The following LTBP2 variants were observed in gnomAD, a reference collection of about 807,000 sequenced individuals.
LTBP2 encodes the protein latent transforming growth factor beta binding protein 2, also known as latent-transforming growth factor beta-binding protein 2.
LTBP2 carries 103 observed loss-of-function variants against 210.6 expected under a neutral mutation model. The ratio of observed to expected loss-of-function variants is 0.49; its 90% CI spans 0.42 to 0.58. The LOEUF (loss-of-function observed/expected upper bound fraction) is 0.58, where lower values mean the gene tolerates loss of function less well. Among genes scored for constraint, LTBP2 ranks in the 20% least tolerant of loss-of-function variants. The probability of loss-of-function intolerance (pLI) is 0.00; values close to 1 mark genes in which losing one functional copy is unlikely to be tolerated. For synonymous variants in LTBP2, 1,007 were observed against 1,015.0 expected (o/e 0.99, Z 0.15); for missense variants, 2,313 against 2,494.5 (o/e 0.93, Z 1.55).
At chr14:74,573,137 C>G (rs1301305022) in intron 3 of LTBP2, among the ~76,000 whole-genome samples, 1 of 152,180 alleles carries the variant, frequency 6.6e-6, no homozygotes, top group East Asian at 1.9e-4. Context: ...AGTTTCCAAG[C>G]CAAGCTGGAT....
chr14:74,591,702 C>T (rs557403038), intron 2 of LTBP2, among the ~76,000 whole-genome samples: 22 of 152,340 alleles, frequency 1.4e-4, no homozygotes, highest in Non-Finnish European at 2.4e-4. Flanking sequence ...CCTCTCCTCT[C>T]TCTCCATTCC....
rs747727618 is a variant in LTBP2, at chr14:74,503,177, C to A, written c.4888+42G>T. 5.0e-6 allele frequency: 8 copies of A among 1,609,008 alleles called. No homozygotes were observed. The South Asian group carries it at 7.7e-5, about 15-fold the overall frequency. ...GGTGAGGGCATCCCCCTCCCTGGGG[C>A]CTGGCCCAGCCCTGCAGGGTATCCC... On this transcript the variant is annotated intron_variant, in intron 33 of 35. Coordinates refer to ENST00000261978, the MANE Select transcript of LTBP2 (RefSeq NM_000428.3).
At chr14:74,548,555 A>G (rs2087607467) in intron 8 of LTBP2, among the ~76,000 whole-genome samples, 2 of 152,216 alleles carry the variant, frequency 1.3e-5, no homozygotes, top group African/African-American at 2.4e-5. Context: ...AACGCCTGAT[A>G]GGAAAGAGAA....
intron 18 of LTBP2, among the ~76,000 whole-genome samples, chr14:74,515,180 G>A (rs979624048): frequency 6.6e-6 from 1 of 151,732 alleles, no homozygotes; most frequent in Non-Finnish European, 1.5e-5. Context: ...CAGACATCGC[G>A]TCAAAAGCCA....
At chr14:74,517,054 G>A (rs549230503) in intron 17 of LTBP2, 113 bp from the exon 18 acceptor site, 1 of 1,383,040 alleles carries the variant, frequency 7.2e-7, no homozygotes, top group South Asian at 1.2e-5. Context: ...CCATGCTGAG[G>A]CCTGGGCAGG....
At chr14:74,513,417 C>T (rs374147762) in intron 18 of LTBP2, among the ~76,000 whole-genome samples, 1 of 152,252 alleles carries the variant, frequency 6.6e-6, no homozygotes, top group Non-Finnish European at 1.5e-5. Flanking sequence ...TCCACAGAGA[C>T]TGGCTATTCC....
intron 2 of LTBP2, among the ~76,000 whole-genome samples, chr14:74,596,357 G>C (rs2088364068): frequency 6.6e-6 from 1 of 152,166 alleles, no homozygotes; most frequent in South Asian, 2.1e-4. Context: ...AGGCCGGTGG[G>C]GGCCACTCAA....
At chr14:74,561,226 G>A (rs1165805194) in intron 3 of LTBP2, among the ~76,000 whole-genome samples, 8 of 152,124 alleles carry the variant, frequency 5.3e-5, no homozygotes, top group African/African-American at 1.9e-4. Flanking sequence ...GCTGAGGCAG[G>A]AGAATCACTT....
rs540297075 is a variant in LTBP2 at position 74,563,254 on chromosome 14, G to A, written c.831-7561C>T. ...CCACACTGCTTTCTTCTTTCCTTTC[G>A]CATTTCCCCCGCAAAATCACACACA... On this transcript the variant is annotated intron_variant, in intron 3 of 35. Coordinates refer to ENST00000261978, the MANE Select transcript of LTBP2 (RefSeq NM_000428.3). Among the ~76,000 whole-genome samples, 7 of 152,058 alleles carry A rather than the reference G, an allele frequency of 4.6e-5. No individual in the cohort carries two copies. In the East Asian group the frequency reaches 9.7e-4, roughly 21 times the overall value.
intron 1 of LTBP2, 46 bp from the exon 2 acceptor site, chr14:74,603,751 G>A: frequency 6.5e-7 from 1 of 1,541,892 alleles, no homozygotes; most frequent in Non-Finnish European, 9.0e-7. Context: ...GCTCAGAGCT[G>A]GGGACTATTC....
rs372000414 is a variant in LTBP2 at position 74,503,369 on chromosome 14, C to T, written c.4738G>A (p.Asp1580Asn). The T allele has an allele frequency of 1.7e-5, 28 of 1,612,944 alleles. No homozygotes were observed. The highest frequency in any genetic ancestry group is 2.2e-5 in the East Asian group (1 of 44,874). ...TSSTEDLPDH[D>N]IHMDICWKKV... ...TTCCAGCAGATGTCCATGTGGATGTCGTGGTCAGGGAGGTCCTCTGGTGGC... is the reference window on the plus strand; with the variant it reads ...TTCCAGCAGATGTCCATGTGGATGTTGTGGTCAGGGAGGTCCTCTGGTGGC... The change falls in exon 33 of 36, where the codon GAC becomes AAC. Residue 1580 changes from aspartate to asparagine, a missense_variant. Transcript: ENST00000261978.
At chr14:74,531,347 T>C (rs559999208) in intron 10 of LTBP2, among the ~76,000 whole-genome samples, 2 of 152,286 alleles carry the variant, frequency 1.3e-5, no homozygotes, top group South Asian at 2.1e-4. Flanking sequence ...CTGGGACTAA[T>C]AAATAAGTCA....
At chr14:74,503,011 G>A (rs950432616) in intron 33 of LTBP2, 77 bp from the exon 34 acceptor site, 35 of 1,575,300 alleles carry the variant, frequency 2.2e-5, no homozygotes, top group South Asian at 5.5e-5. Context: ...GTCTCTGGGA[G>A]CATGCAAGGA....
chr14:74,518,222 A>C (rs1174334145), intron 17 of LTBP2, among the ~76,000 whole-genome samples: 1 of 152,218 alleles, frequency 6.6e-6, no homozygotes, highest in African/African-American at 2.4e-5. Context: ...GATTAAATAC[A>C]ATAATCCAGG....
chr14:74,584,971 T>C (rs1054436141), intron 3 of LTBP2, among the ~76,000 whole-genome samples: 1 of 152,210 alleles, frequency 6.6e-6, no homozygotes, highest in Non-Finnish European at 1.5e-5. Context: ...TCTTTCCCTT[T>C]AGTTCAGCAA....
chr14:74,603,859 G>C (rs1566657234), intron 1 of LTBP2, among the ~76,000 whole-genome samples, 154 bp from the exon 2 acceptor site: 1 of 152,060 alleles, frequency 6.6e-6, no homozygotes. Flanking sequence ...ATCTAAGATT[G>C]AATCCTGACT....
intron 21 of LTBP2, 118 bp from the exon 22 acceptor site, chr14:74,509,481 C>T: frequency 6.9e-7 from 1 of 1,450,990 alleles, no homozygotes; most frequent in South Asian, 1.2e-5. Context: ...AACCCCCTCC[C>T]TAGAACGCTC....
intron 33 of LTBP2, 29 bp downstream of exon 33, chr14:74,503,189 CT>C: frequency 6.2e-7 from 1 of 1,612,598 alleles, no homozygotes; most frequent in Non-Finnish European, 8.5e-7. Flanking sequence ...TGGCCCAGCC[CT>C]GCAGGGTATC....
chr14:74,522,081 G>A (rs374083597), intron 16 of LTBP2, 42 bp from the exon 17 acceptor site: 23 of 1,591,672 alleles, frequency 1.4e-5, no homozygotes, highest in African/African-American at 2.7e-5. Context: ...GGGGGCCAGC[G>A]GTGCCGTTCT....
Sources: gnomAD v4.1 joint callset for allele counts (sites outside exome capture counted in the v4.1 genomes callset) on GRCh38, gnomAD v4.1.1 for gene constraint, MANE v1.5 for transcripts, NCBI Gene and HGNC (gene_info 2026-07-23, HGNC 2026-07-21) for gene names.